Variants in CDH13 observed in about 807,000 individuals in gnomAD.
CDH13 encodes the protein cadherin 13.
A neutral mutation model predicts 63.8 loss-of-function variants in CDH13; 24 were observed. That is an observed-to-expected ratio of 0.38 (90% CI 0.27 to 0.53). The LOEUF is 0.53. CDH13 is among the 20% of genes least tolerant of loss of function. The pLI is 0.85. For missense variants in CDH13, 1,049 were observed against 903.1 expected, an observed-to-expected ratio of 1.16 and a Z score of -2.07; for synonymous variants, 503 against 355.3, an observed-to-expected ratio of 1.42 and a Z score of -4.67.
At chr16:83,508,994 T>C (rs909360086) in intron 7 of CDH13, among the ~76,000 whole-genome samples, 2 of 152,212 alleles carry the variant, frequency 1.3e-5, no homozygotes, top group Non-Finnish European at 2.9e-5. Context: ...TCTGTGTGCA[T>C]GAGTGCCTGT....
intron 1 of CDH13, among the ~76,000 whole-genome samples, chr16:82,849,035 G>A (rs879583197): frequency 6.6e-5 from 10 of 152,170 alleles, no homozygotes; most frequent in Non-Finnish European, 1.2e-4. Context: ...GGTCTGAATA[G>A]ATGATCAAAC....
At chr16:83,343,871 T>C (rs1191452416) in intron 5 of CDH13, among the ~76,000 whole-genome samples, 1 of 152,230 alleles carries the variant, frequency 6.6e-6, no homozygotes, top group African/African-American at 2.4e-5. Flanking sequence ...AGGGTTGTTA[T>C]GACAATCAAG....
At chr16:82,717,486 T>C (rs1446230871) in intron 1 of CDH13, among the ~76,000 whole-genome samples, 2 of 151,114 alleles carry the variant, frequency 1.3e-5, no homozygotes, top group East Asian at 1.9e-4. Context: ...CTTACTCTCT[T>C]ACAATCCTGG....
At chr16:82,810,707 C>G (rs769349709) in intron 1 of CDH13, among the ~76,000 whole-genome samples, 18 of 152,068 alleles carry the variant, frequency 1.2e-4, no homozygotes, top group Non-Finnish European at 2.5e-4. Flanking sequence ...GGGGGGTGCT[C>G]CCAACCCTTC....
Position 82,818,076 on chromosome 16 carries a change from A to T in CDH13, c.46-40286A>T, listed in dbSNP as rs575247221. ...ACATGACTATACGCACAATGCACAC[A>T]TGTTTATATATGAATGTATTCACTC... is the stretch of plus-strand genomic sequence containing the variant. On this transcript the variant is annotated intron_variant, in intron 1 of 13. Coordinates refer to ENST00000567109, the MANE Select transcript of CDH13 (RefSeq NM_001257.5). Among the ~76,000 whole-genome samples the T allele has an allele frequency of 2.0e-5, 3 of 150,896 alleles. No individual in the cohort carries two copies. The East Asian group carries it at 5.9e-4, about 29-fold the overall frequency.
intron 8 of CDH13, among the ~76,000 whole-genome samples, chr16:83,668,435 A>G (rs1251215193): frequency 6.6e-6 from 1 of 152,210 alleles, no homozygotes; most frequent in African/African-American, 2.4e-5. Flanking sequence ...TGCACTGGAC[A>G]TGACAGCGTT....
intron 7 of CDH13, among the ~76,000 whole-genome samples, chr16:83,568,552 A>C (rs1429006164): frequency 6.6e-6 from 1 of 152,194 alleles, no homozygotes; most frequent in East Asian, 1.9e-4. Flanking sequence ...ACTTTAGGAG[A>C]TGATAGTTAA....
chr16:83,728,342 C>CGCGTGTGTGTGTGTGT (rs1555521387), intron 10 of CDH13, among the ~76,000 whole-genome samples: 6 of 149,212 alleles, frequency 4.0e-5, no homozygotes, highest in Non-Finnish European at 7.4e-5. Context: ...TATGTGTGTG[C>CGCGTGTGTGTGTGTGT]GTGTGTGTGT....
intron 5 of CDH13, among the ~76,000 whole-genome samples, chr16:83,327,798 T>G (rs2090397099): frequency 6.6e-6 from 1 of 152,198 alleles, no homozygotes; most frequent in Non-Finnish European, 1.5e-5. Flanking sequence ...AAAAGTCTTA[T>G]AGGTGAGGAA....
intron 6 of CDH13, among the ~76,000 whole-genome samples, chr16:83,443,735 AATATATAT>A (rs1192288855): frequency 0.033 from 669 of 19,976 alleles, 13 homozygotes; most frequent in African/African-American, 0.07. Flanking sequence ...AAAAAAAAAA[AATATATAT>A]ATATATATAT....
intron 8 of CDH13, among the ~76,000 whole-genome samples, chr16:83,669,829 C>G (rs1914343662): frequency 6.6e-6 from 1 of 152,296 alleles, no homozygotes; most frequent in Non-Finnish European, 1.5e-5. Flanking sequence ...GATATTTCTT[C>G]TTTTTGTCAG....
intron 2 of CDH13, 141 bp downstream of exon 2, chr16:82,858,614 G>A (rs1442642305): frequency 2.8e-6 from 2 of 718,424 alleles, no homozygotes; most frequent in African/African-American, 3.5e-5. Flanking sequence ...TTGACCCAAA[G>A]TGGAAATTCT....
intron 2 of CDH13, among the ~76,000 whole-genome samples, chr16:82,923,980 C>T (rs1451783985): frequency 6.6e-6 from 1 of 152,186 alleles, no homozygotes; most frequent in Non-Finnish European, 1.5e-5. Context: ...GGATTCAAGG[C>T]ACACATGTTT....
At chr16:83,313,353 C>T (rs1463720671) in intron 5 of CDH13, among the ~76,000 whole-genome samples, 1 of 152,170 alleles carries the variant, frequency 6.6e-6, no homozygotes, top group Admixed American at 6.5e-5. Context: ...ATATCCAACT[C>T]AATATATGCA....
At chr16:83,242,650 G>A (rs1012204666) in intron 5 of CDH13, among the ~76,000 whole-genome samples, 2 of 152,200 alleles carry the variant, frequency 1.3e-5, no homozygotes, top group East Asian at 1.9e-4. Flanking sequence ...CCTCATAGAA[G>A]AGGCAAAATT....
chr16:83,750,611 G>A (rs992966690), intron 11 of CDH13, among the ~76,000 whole-genome samples: 1 of 152,162 alleles, frequency 6.6e-6, no homozygotes, highest in African/African-American at 2.4e-5. Flanking sequence ...CTTCCTCAAA[G>A]GGGGAATTTG....
chr16:83,147,795 G>T (rs117924864), intron 4 of CDH13, among the ~76,000 whole-genome samples: 4 of 151,980 alleles, frequency 2.6e-5, no homozygotes, highest in African/African-American at 4.8e-5. Context: ...GGGGTCACAG[G>T]GGGCAAAGAC....
chr16:83,368,539 A>C (rs2091296771), intron 6 of CDH13, among the ~76,000 whole-genome samples: 1 of 151,736 alleles, frequency 6.6e-6, no homozygotes, highest in African/African-American at 2.4e-5. Context: ...TTATTTCAAT[A>C]GGTTTTTTGG....
At chr16:83,417,362 G>A (rs1268966115) in intron 6 of CDH13, among the ~76,000 whole-genome samples, 2 of 152,002 alleles carry the variant, frequency 1.3e-5, no homozygotes, top group African/African-American at 4.8e-5. Context: ...CTGTGAATTA[G>A]CAAATGCTGC....
Sources: gnomAD v4.1 joint callset for allele counts (sites outside exome capture counted in the v4.1 genomes callset) on GRCh38, gnomAD v4.1.1 for gene constraint, MANE v1.5 for transcripts, NCBI Gene and HGNC (gene_info 2026-07-23, HGNC 2026-07-21) for gene names.